The following LHFPL4 variants were observed in gnomAD, a reference collection of about 807,000 sequenced individuals.
The protein encoded by LHFPL4 is LHFPL tetraspan subfamily member 4 protein.
A neutral mutation model predicts 20.0 loss-of-function variants in LHFPL4; 6 were observed. That is an observed-to-expected ratio of 0.30 (90% CI 0.16 to 0.59). The LOEUF (loss-of-function observed/expected upper bound fraction) is 0.59. LHFPL4 is among the 20% of genes least tolerant of loss of function. The probability of loss-of-function intolerance (pLI) is 0.88; values close to 1 mark genes in which losing one functional copy is unlikely to be tolerated. For missense variants in LHFPL4, 215 were observed against 331.2 expected (o/e 0.65, Z 2.72); for synonymous variants, 129 against 143.8 (o/e 0.90, Z 0.74).
intron 2 of LHFPL4, among the ~76,000 whole-genome samples, chr3:9,528,935 T>G (rs2125662249): frequency 6.8e-6 from 1 of 147,864 alleles, no homozygotes; most frequent in African/African-American, 2.5e-5. Flanking sequence ...TTTTTTTTTT[T>G]GAGATGGAAT....
chr3:9,524,520 CA>C (rs1483831027), intron 2 of LHFPL4, among the ~76,000 whole-genome samples: 1 of 152,018 alleles, frequency 6.6e-6, no homozygotes, highest in African/African-American at 2.4e-5. Context: ...TTTCCTCAGC[CA>C]TGGCCAGTCT....
chr3:9,511,730 C>CT (rs1209504814), intron 2 of LHFPL4, among the ~76,000 whole-genome samples: 1 of 152,098 alleles, frequency 6.6e-6, no homozygotes, highest in Non-Finnish European at 1.5e-5. Flanking sequence ...TTTAAAAGAC[C>CT]TATTAGTAAG....
intron 2 of LHFPL4, among the ~76,000 whole-genome samples, chr3:9,530,987 G>C (rs1043618776): frequency 6.6e-6 from 1 of 152,082 alleles, no homozygotes; most frequent in African/African-American, 2.4e-5. Context: ...TTATTAACTG[G>C]CCTAATTTCA....
At position 9,501,980 on chromosome 3, in the gene LHFPL4, T is replaced by G; in HGVS notation, c.*231A>C. ...CTACGCAGATGCAGGCTCCCTTAGG[T>G]CAAATTGAGGGAGGAGCAAGAATTA... On this transcript the variant is annotated 3_prime_UTR_variant, in exon 4 of 4. Transcript: ENST00000287585. 1.8e-6 allele frequency: 1 copy of G among 571,286 alleles called. No individual in the cohort carries two copies. 35.4% of individuals were successfully genotyped at this position (571,286 alleles called of 1,614,324 possible).
chr3:9,540,695 C>T (rs1303205481), intron 2 of LHFPL4, among the ~76,000 whole-genome samples: 1 of 151,504 alleles, frequency 6.6e-6, no homozygotes, highest in Non-Finnish European at 1.5e-5. Context: ...GAAGTTGAGA[C>T]CAGCCTGGGC....
At chr3:9,516,785 T>TTC (rs2125658398) in intron 2 of LHFPL4, among the ~76,000 whole-genome samples, 1 of 74,486 alleles carries the variant, frequency 1.3e-5, no homozygotes, top group African/African-American at 3.8e-5. Flanking sequence ...CACAATCTTT[T>TTC]TTTTTTTTTT....
At chr3:9,519,474 A>G (rs1165926238) in intron 2 of LHFPL4, among the ~76,000 whole-genome samples, 1 of 152,202 alleles carries the variant, frequency 6.6e-6, no homozygotes, top group Non-Finnish European at 1.5e-5. Context: ...CAAAAAAATA[A>G]CTTTGGTTTT....
chr3:9,544,491 G>T (rs1429097810), intron 2 of LHFPL4, among the ~76,000 whole-genome samples: 1 of 151,954 alleles, frequency 6.6e-6, no homozygotes, highest in Non-Finnish European at 1.5e-5. Context: ...TAGGCATGGT[G>T]GTGGGCACCT....
chr3:9,504,326 C>T (rs1164111777), intron 3 of LHFPL4, among the ~76,000 whole-genome samples: 5 of 149,974 alleles, frequency 3.3e-5, no homozygotes, highest in African/African-American at 1.2e-4. Context: ...TGCAGTGAGC[C>T]GAGACCGTGC....
intron 2 of LHFPL4, among the ~76,000 whole-genome samples, chr3:9,534,043 G>A (rs927404298): frequency 5.3e-5 from 8 of 151,988 alleles, no homozygotes; most frequent in African/African-American, 1.7e-4. Flanking sequence ...GCGAAACCCC[G>A]TCTCTACAAA....
chr3:9,548,120 G>C (rs1042789969), intron 2 of LHFPL4, among the ~76,000 whole-genome samples: 1 of 151,966 alleles, frequency 6.6e-6, no homozygotes, highest in South Asian at 2.1e-4. Context: ...TCCGGTTTTA[G>C]AGTCAGACAT....
intron 2 of LHFPL4, among the ~76,000 whole-genome samples, chr3:9,541,745 G>A (rs571942420): frequency 2.1e-4 from 32 of 151,674 alleles, no homozygotes; most frequent in Non-Finnish European, 1.6e-4. Context: ...GCACTCCAGC[G>A]TGGGTGACAG....
intron 2 of LHFPL4, among the ~76,000 whole-genome samples, chr3:9,522,823 C>T (rs867453494): frequency 4.2e-4 from 63 of 151,080 alleles, no homozygotes; most frequent in Middle Eastern, 3.5e-3. Context: ...GGGTGGATCA[C>T]GAGGTCAGGA....
intron 2 of LHFPL4, among the ~76,000 whole-genome samples, chr3:9,507,090 C>G (rs1239705865): frequency 1.3e-5 from 2 of 152,222 alleles, no homozygotes; most frequent in Non-Finnish European, 2.9e-5. Context: ...TGAACCTGAA[C>G]AGGCCTGTTT....
At chr3:9,518,602 C>T (rs572130753) in intron 2 of LHFPL4, among the ~76,000 whole-genome samples, 1 of 151,992 alleles carries the variant, frequency 6.6e-6, no homozygotes, top group Non-Finnish European at 1.5e-5. Context: ...TTTATGTTGC[C>T]TATTTCTTCT....
intron 2 of LHFPL4, among the ~76,000 whole-genome samples, chr3:9,528,394 T>C (rs1199022826): frequency 6.6e-6 from 1 of 152,186 alleles, no homozygotes; most frequent in African/African-American, 2.4e-5. Flanking sequence ...CAACTCCTCA[T>C]CCATTCAAGT....
intron 2 of LHFPL4, among the ~76,000 whole-genome samples, chr3:9,530,838 C>T (rs2046404172): frequency 6.6e-6 from 1 of 152,144 alleles, no homozygotes; most frequent in Admixed American, 6.6e-5. Flanking sequence ...CTCAAGAAAT[C>T]CTCCTGCCTC....
chr3:9,504,946 T>C (rs182647830), intron 3 of LHFPL4, among the ~76,000 whole-genome samples: 365 of 150,758 alleles, frequency 2.4e-3, no homozygotes, highest in Middle Eastern at 0.014. Context: ...TTTTTTTTTT[T>C]CCCCCTCTCT....
chr3:9,507,446 G>T (rs1161737185), intron 2 of LHFPL4, among the ~76,000 whole-genome samples: 2 of 152,214 alleles, frequency 1.3e-5, no homozygotes, highest in East Asian at 1.9e-4. Context: ...ATCCTCAAGT[G>T]GTTGTAAAGA....
Sources: gnomAD v4.1 joint callset for allele counts (sites outside exome capture counted in the v4.1 genomes callset) on GRCh38, gnomAD v4.1.1 for gene constraint, MANE v1.5 for transcripts, NCBI Gene and HGNC (gene_info 2026-07-23, HGNC 2026-07-21) for gene names.